Variants in ATP6V0A4 observed in about 807,000 individuals in gnomAD.
ATP6V0A4 encodes V-type proton ATPase 116 kDa subunit a 4.
Under a neutral mutation model 107.3 loss-of-function variants are expected in ATP6V0A4, and 86 were observed. The observed-to-expected ratio is 0.80, with a 90% CI of 0.67 to 0.96. The LOEUF (loss-of-function observed/expected upper bound fraction) is 0.96. Among genes scored for constraint, ATP6V0A4 ranks in the 40% least tolerant of loss-of-function variants. ATP6V0A4 has a pLI of 0.00. For missense variants in ATP6V0A4, 908 were observed against 1,045.6 expected (o/e 0.87, Z 1.81); for synonymous variants, 353 against 381.4 (o/e 0.93, Z 0.87).
intron 20 of ATP6V0A4, among the ~76,000 whole-genome samples, chr7:138,711,311 A>C (rs1803732436): frequency 6.6e-6 from 1 of 152,204 alleles, no homozygotes; most frequent in African/African-American, 2.4e-5. Flanking sequence ...TAACTGCCCT[A>C]CAAGGGCTCT....
chr7:138,772,288 A>C (rs1441992433), intron 2 of ATP6V0A4, among the ~76,000 whole-genome samples: 1 of 151,968 alleles, frequency 6.6e-6, no homozygotes, highest in Non-Finnish European at 1.5e-5. Flanking sequence ...ATGAACAAGA[A>C]TGTTTCTTAT....
At chr7:138,723,523 C>CTT (rs10528520) in intron 18 of ATP6V0A4, among the ~76,000 whole-genome samples, 4,067 of 127,956 alleles carry the variant, frequency 0.032, 145 homozygotes, top group Non-Finnish European at 0.047. Context: ...TCTTTCTTTT[C>CTT]TTTTTTTTTT....
chr7:138,706,462 G>A lies in ATP6V0A4; in HGVS notation c.*162C>T, dbSNP rs55832008. On this transcript the variant is annotated 3_prime_UTR_variant, in exon 22 of 22. Transcript: ENST00000310018. ...GTCCTTCCTCTGACGTGGTTAAGTC[G>A]TATCAAATCCACAGGCTGACGTCCA... is the stretch of plus-strand genomic sequence containing the variant. The A allele has an allele frequency of 0.11, 95,328 of 841,794 alleles. 6,541 individuals are homozygous for A. The highest frequency in any genetic ancestry group is 0.15 in the Middle Eastern group (444 of 2,930). 52.1% of individuals were successfully genotyped at this position (841,794 alleles called of 1,614,324 possible). A position where few individuals can be genotyped will look rare whatever the true frequency, so the allele number is the denominator to read the frequency against.
At chr7:138,776,268 A>C (rs190810076) in intron 2 of ATP6V0A4, among the ~76,000 whole-genome samples, 82 of 152,338 alleles carry the variant, frequency 5.4e-4, no homozygotes, top group African/African-American at 1.9e-3. Context: ...AAGCTGAGGC[A>C]GCGATTGTGA....
intron 2 of ATP6V0A4, among the ~76,000 whole-genome samples, chr7:138,775,871 C>T (rs1270907800): frequency 2.6e-5 from 4 of 152,016 alleles, no homozygotes; most frequent in African/African-American, 7.2e-5. Context: ...AGGATGGTCT[C>T]GATCTCCTGA....
At position 138,739,674 on chromosome 7, in the gene ATP6V0A4, C is replaced by T. The variant is rs73730492; in HGVS notation, c.1479-41G>A. ...AGGAGAAAAACAAACAATGATCAACCGGGGCAGAAAAGATACTATAATACC... is the reference window on the plus strand; with the variant it reads ...AGGAGAAAAACAAACAATGATCAACTGGGGCAGAAAAGATACTATAATACC... On this transcript the variant is annotated intron_variant, in intron 14 of 21. Transcript: ENST00000310018. 5,437 of 1,610,450 alleles carry T rather than the reference C, an allele frequency of 3.4e-3. 156 individuals are homozygous for T. The African/African-American group carries it at 0.063, about 19-fold the overall frequency.
intron 17 of ATP6V0A4, 164 bp from the exon 18 acceptor site, chr7:138,729,026 G>T: frequency 1.2e-6 from 1 of 863,964 alleles, no homozygotes; most frequent in Non-Finnish European, 1.4e-6. Flanking sequence ...TATTCCCCTT[G>T]CAGATAGAGA....
intron 11 of ATP6V0A4, among the ~76,000 whole-genome samples, chr7:138,750,254 T>C (rs1395541194): frequency 2.0e-5 from 3 of 152,124 alleles, no homozygotes; most frequent in Non-Finnish European, 4.4e-5. Flanking sequence ...TCAAGTCTTT[T>C]TTCTTTTTCT....
intron 2 of ATP6V0A4, among the ~76,000 whole-genome samples, chr7:138,776,832 A>T (rs975052777): frequency 3.3e-5 from 5 of 152,104 alleles, no homozygotes; most frequent in African/African-American, 1.2e-4. Flanking sequence ...TATCTGAAAA[A>T]CAGAAGAGGC....
chr7:138,767,233 A>G (rs1371282745), intron 5 of ATP6V0A4, among the ~76,000 whole-genome samples: 1 of 152,190 alleles, frequency 6.6e-6, no homozygotes, highest in Non-Finnish European at 1.5e-5. Context: ...GTCAAAAATC[A>G]ATAAACAGGC....
At chr7:138,738,269 A>T (rs1014746541) in intron 15 of ATP6V0A4, among the ~76,000 whole-genome samples, 9 of 152,192 alleles carry the variant, frequency 5.9e-5, no homozygotes, top group African/African-American at 9.7e-5. Flanking sequence ...ACAAAATTGC[A>T]TCAGAGTAGA....
intron 20 of ATP6V0A4, among the ~76,000 whole-genome samples, chr7:138,711,493 C>G (rs1168707356): frequency 6.6e-6 from 1 of 151,874 alleles, no homozygotes; most frequent in Non-Finnish European, 1.5e-5. Context: ...GCTAAAAGGT[C>G]ACAATGATGT....
intron 15 of ATP6V0A4, among the ~76,000 whole-genome samples, chr7:138,739,049 A>G (rs1435744465): frequency 6.6e-6 from 1 of 152,236 alleles, no homozygotes; most frequent in Non-Finnish European, 1.5e-5. Context: ...TAGCTGACTG[A>G]GATAGATATA....
At position 138,739,590 on chromosome 7, in the gene ATP6V0A4, C is replaced by A. The variant is rs1356615439; in HGVS notation, c.1522G>T (p.Ala508Ser). Residue 508 changes from alanine to serine, a missense_variant, in exon 15 of 22, where the codon GCC (alanine) becomes TCC (serine). Coordinates refer to ENST00000310018, the MANE Select transcript of ATP6V0A4 (RefSeq NM_020632.3). The part of the protein sequence containing the change: ...EESLYLQLDP[A>S]IPGVYFGNPY... ...TTTCCAAAATACACTCCTGGTATGG[C>A]TGGGTCCAGCTGCAGATATAGACTT... 4 of 1,614,188 alleles carry A rather than the reference C, an allele frequency of 2.5e-6. No homozygotes were observed. In the South Asian group the frequency reaches 3.3e-5, roughly 13 times the overall value.
At chr7:138,723,055 C>CCA (rs1554390955) in intron 18 of ATP6V0A4, among the ~76,000 whole-genome samples, 14,404 of 122,308 alleles carry the variant, frequency 0.12, 766 homozygotes, top group East Asian at 0.16. Context: ...GAGACTGTCT[C>CCA]AAAAAAAAAA....
chr7:138,721,649 C>T (rs1320968141), intron 19 of ATP6V0A4, among the ~76,000 whole-genome samples: 2 of 152,204 alleles, frequency 1.3e-5, no homozygotes, highest in Admixed American at 1.3e-4. Context: ...CTGACACATA[C>T]AGATGCAGCG....
intron 1 of ATP6V0A4, among the ~76,000 whole-genome samples, 188 bp from the exon 2 acceptor site, chr7:138,786,448 A>C (rs2130208107): frequency 6.6e-6 from 1 of 151,818 alleles, no homozygotes; most frequent in African/African-American, 2.4e-5. Context: ...CCTTCGTGGC[A>C]TGCATCTCTA....
chr7:138,756,996 A>G (rs1806545308), intron 8 of ATP6V0A4, among the ~76,000 whole-genome samples: 1 of 152,148 alleles, frequency 6.6e-6, no homozygotes, highest in Non-Finnish European at 1.5e-5. Context: ...CCAATTTTTG[A>G]CTCATACATA....
chr7:138,755,829 A>C, intron 9 of ATP6V0A4, 47 bp from the exon 10 acceptor site: 2 of 1,601,712 alleles, frequency 1.2e-6, no homozygotes, highest in African/African-American at 2.7e-5. Flanking sequence ...CTTGCTGCAA[A>C]GCATTCTGCA....
Sources: gnomAD v4.1 joint callset for allele counts (sites outside exome capture counted in the v4.1 genomes callset) on GRCh38, gnomAD v4.1.1 for gene constraint, MANE v1.5 for transcripts, NCBI Gene and HGNC (gene_info 2026-07-23, HGNC 2026-07-21) for gene names.